Variants in ALDH1A2 observed in about 807,000 individuals in gnomAD.
ALDH1A2 encodes the protein retinal dehydrogenase 2.
ALDH1A2 carries 27 observed loss-of-function variants against 60.3 expected under a neutral mutation model. The observed-to-expected ratio is 0.45, with a 90% confidence interval of 0.33 to 0.62. The LOEUF is 0.62. ALDH1A2 is among the 20% of genes least tolerant of loss of function. The pLI, the probability that ALDH1A2 is intolerant of heterozygous loss-of-function variation, is 0.02. For synonymous variants in ALDH1A2, 289 were observed against 232.4 expected (o/e 1.24, Z -2.21); for missense variants, 581 against 643.8 (o/e 0.90, Z 1.06).
intron 4 of ALDH1A2, among the ~76,000 whole-genome samples, chr15:57,995,796 A>T (rs1405587346): frequency 1.3e-5 from 2 of 152,114 alleles, no homozygotes; most frequent in African/African-American, 4.8e-5. Flanking sequence ...GCTAAAAGAA[A>T]AAGAGCTTCA....
chr15:58,058,515 A>G (rs1056211980), intron 1 of ALDH1A2, among the ~76,000 whole-genome samples: 3 of 151,700 alleles, frequency 2.0e-5, no homozygotes, highest in African/African-American at 7.2e-5. Flanking sequence ...TGAAATTCAA[A>G]GTCCAATGAA....
At chr15:57,993,124 C>T in intron 5 of ALDH1A2, 51 bp from the exon 6 acceptor site, 2 of 1,602,508 alleles carry the variant, frequency 1.2e-6, no homozygotes, top group Non-Finnish European at 1.7e-6. Flanking sequence ...TCTTCCACTA[C>T]TTTGTTTTCA....
intron 9 of ALDH1A2, 77 bp downstream of exon 9, chr15:57,963,808 G>A: frequency 2.7e-6 from 4 of 1,480,332 alleles, no homozygotes; most frequent in Non-Finnish European, 2.8e-6. Context: ...TCGCTTTGCT[G>A]GGACCTACTA....
intron 1 of ALDH1A2, among the ~76,000 whole-genome samples, chr15:58,021,055 C>G (rs1895912515): frequency 6.6e-6 from 1 of 152,088 alleles, no homozygotes; most frequent in African/African-American, 2.4e-5. Flanking sequence ...CATAGCTACC[C>G]AAGCCTTTCT....
At chr15:58,034,036 G>T (rs1252489994) in intron 1 of ALDH1A2, among the ~76,000 whole-genome samples, 1 of 151,550 alleles carries the variant, frequency 6.6e-6, no homozygotes, top group African/African-American at 2.4e-5. Flanking sequence ...AACTTACTAG[G>T]ATTTTGATTG....
intron 7 of ALDH1A2, among the ~76,000 whole-genome samples, chr15:57,976,174 C>T (rs12903551): frequency 0.35 from 53,240 of 151,994 alleles, 10,315 homozygotes; most frequent in Non-Finnish European, 0.45. Context: ...TTTCTCCCTA[C>T]ACCAGAATTC....
In ALDH1A2 at chr15:58,021,492, T is replaced by C. The variant is rs528143927; in HGVS notation, c.118-7211A>G. 3.3e-5 allele frequency among the ~76,000 whole-genome samples: 5 copies of C among 152,262 alleles called. No individual in the cohort carries two copies. The South Asian group carries it at 6.2e-4, about 19-fold the overall frequency. On this transcript the variant is annotated intron_variant, in intron 1 of 12. Transcript: ENST00000249750. ...AGCAGCCAACATCCCCACCGTGGAA[T>C]TGTGCAATTCTGGCCACTTGAAAAG...
intron 7 of ALDH1A2, among the ~76,000 whole-genome samples, chr15:57,986,946 C>T (rs1053226255): frequency 2.0e-5 from 3 of 152,054 alleles, no homozygotes; most frequent in African/African-American, 4.8e-5. Flanking sequence ...TGGGCCACCA[C>T]GCCCGGCCAC....
At chr15:58,065,231 G>T (rs1274034172) in intron 1 of ALDH1A2, 4 of 406,244 alleles carry the variant, frequency 9.8e-6, no homozygotes, top group Non-Finnish European at 1.4e-5. Context: ...CCCCGCGGCA[G>T]TCGGGACCGG....
chr15:58,063,499 G>A (rs114687819), intron 1 of ALDH1A2, among the ~76,000 whole-genome samples: 1 of 151,700 alleles, frequency 6.6e-6, no homozygotes, highest in Non-Finnish European at 1.5e-5. Context: ...TTTCCTTTAA[G>A]TAAAAAAATC....
intron 1 of ALDH1A2, among the ~76,000 whole-genome samples, chr15:58,036,392 G>C (rs1487797545): frequency 6.6e-6 from 1 of 151,556 alleles, no homozygotes; most frequent in African/African-American, 2.4e-5. Context: ...ACTTTTGGCA[G>C]CAACTATTAA....
chr15:58,030,633 C>G (rs115974139), intron 1 of ALDH1A2, among the ~76,000 whole-genome samples: 365 of 152,118 alleles, frequency 2.4e-3, no homozygotes, highest in African/African-American at 8.5e-3. Context: ...TTGTATATTT[C>G]GAAAACCCCA....
intron 4 of ALDH1A2, among the ~76,000 whole-genome samples, chr15:58,008,194 G>C (rs1212606336): frequency 1.3e-5 from 2 of 152,094 alleles, no homozygotes; most frequent in African/African-American, 2.4e-5. Context: ...TGATGGCAGG[G>C]AGGGTACCTC....
intron 7 of ALDH1A2, among the ~76,000 whole-genome samples, chr15:57,987,832 C>T (rs1461798103): frequency 6.7e-6 from 1 of 149,990 alleles, no homozygotes; most frequent in Non-Finnish European, 1.5e-5. Flanking sequence ...TTGCAGTGAG[C>T]CTGAGCAACT....
At chr15:57,984,858 CA>C (rs2140479758) in intron 7 of ALDH1A2, among the ~76,000 whole-genome samples, 1 of 152,268 alleles carries the variant, frequency 6.6e-6, no homozygotes, top group South Asian at 2.1e-4. Context: ...TAGATTTTGT[CA>C]CGTTTCTTCT....
chr15:58,030,997 C>T (rs899175789), intron 1 of ALDH1A2, among the ~76,000 whole-genome samples: 1 of 152,164 alleles, frequency 6.6e-6, no homozygotes, highest in Non-Finnish European at 1.5e-5. Flanking sequence ...CATCAAGCTA[C>T]CAATGACTTT....
chr15:57,958,944 T>C (rs1475185024), intron 12 of ALDH1A2, among the ~76,000 whole-genome samples: 1 of 152,092 alleles, frequency 6.6e-6, no homozygotes, highest in African/African-American at 2.4e-5. Flanking sequence ...GGAAGACAAG[T>C]AGAGAGAAAT....
Position 58,014,291 on chromosome 15 carries a change from TA to T in ALDH1A2, c.118-11del. The T allele has an allele frequency of 6.2e-7, 1 of 1,606,460 alleles. No individual in the cohort carries two copies. Among genetic ancestry groups the T allele is most frequent in the Non-Finnish European group, 8.5e-7 (1 of 1,173,288 alleles). ...CGTTGTTTATAAAGATCTAAGGGAG[TA>T]GATAACAGAATGGGATCTGTGACAC... is the stretch of plus-strand genomic sequence containing the variant. On this transcript the variant is annotated splice_polypyrimidine_tract_variant and intron_variant, in intron 1 of 12. Coordinates refer to ENST00000249750, the MANE Select transcript of ALDH1A2 (RefSeq NM_003888.4).
intron 4 of ALDH1A2, 98 bp from the exon 5 acceptor site, chr15:57,995,237 C>T: frequency 2.1e-6 from 1 of 471,942 alleles, no homozygotes; most frequent in Non-Finnish European, 3.6e-6. Flanking sequence ...AAAAAAAAAA[C>T]AAACAGAAAT....
Sources: allele counts gnomAD v4.1 joint callset (sites outside exome capture counted in the v4.1 genomes callset), GRCh38; gene constraint gnomAD v4.1.1; transcripts MANE v1.5; gene names NCBI Gene and HGNC (gene_info 2026-07-23, HGNC 2026-07-21).